KCNV2: variants seen among roughly 807,000 people sequenced by gnomAD.
KCNV2 encodes potassium voltage-gated channel modifier subfamily V member 2.
A neutral mutation model predicts 37.0 loss-of-function variants in KCNV2; 65 were observed. The ratio of observed to expected loss-of-function variants is 1.76; its 90% CI spans 1.44 to 2.16. The LOEUF (loss-of-function observed/expected upper bound fraction) is 2.16. KCNV2 is among the 30% of genes most tolerant of loss of function. The probability of loss-of-function intolerance (pLI) is 0.00; values close to 1 mark genes in which losing one functional copy is unlikely to be tolerated. For synonymous variants in KCNV2, 518 were observed against 328.6 expected (o/e 1.58, Z -6.23); for missense variants, 1,232 against 766.7 (o/e 1.61, Z -7.17).
chr9:2,722,275 A>C (rs1490005495), intron 1 of KCNV2, among the ~76,000 whole-genome samples: 1 of 139,954 alleles, frequency 7.1e-6, no homozygotes, highest in Non-Finnish European at 1.5e-5. Flanking sequence ...GAAGTTATTT[A>C]TTTACAAATT....
At chr9:2,728,812 T>G (rs1820010311) in intron 1 of KCNV2, among the ~76,000 whole-genome samples, 1 of 151,908 alleles carries the variant, frequency 6.6e-6, no homozygotes, top group East Asian at 1.9e-4. Flanking sequence ...TGTTCAGTGC[T>G]TTATATTCAT....
At chr9:2,722,768 C>A (rs1216949150) in intron 1 of KCNV2, among the ~76,000 whole-genome samples, 1 of 152,098 alleles carries the variant, frequency 6.6e-6, no homozygotes, top group Non-Finnish European at 1.5e-5. Context: ...CTAGAAGGTT[C>A]TTCTCTTTCA....
intron 1 of KCNV2, among the ~76,000 whole-genome samples, chr9:2,720,051 G>A (rs1254965703): frequency 6.6e-6 from 1 of 152,192 alleles, no homozygotes; most frequent in Non-Finnish European, 1.5e-5. Context: ...TGAATGTATG[G>A]TTTCCTTAGT....
chr9:2,725,307 C>G (rs544177266), intron 1 of KCNV2, among the ~76,000 whole-genome samples: 1 of 152,204 alleles, frequency 6.6e-6, no homozygotes, highest in African/African-American at 2.4e-5. Flanking sequence ...CACCCATGAC[C>G]TCATTCTAAC....
rs558190672 is a variant in KCNV2 at position 2,724,832 on chromosome 9, C to G, written c.1357-4614C>G. On this transcript the variant is annotated intron_variant, in intron 1 of 1. Coordinates refer to ENST00000382082, the MANE Select transcript of KCNV2 (RefSeq NM_133497.4). ...ATCTGGGAAATGTAGTTTGCAGACT[C>G]CCAGTTCTGGAATTATAAAATAAAA... Among the ~76,000 whole-genome samples the G allele has an allele frequency of 8.5e-5, 13 of 152,260 alleles. No homozygotes were observed. In the South Asian group the frequency reaches 2.5e-3, roughly 29 times the overall value.
chr9:2,722,595 T>C (rs1231501564), intron 1 of KCNV2, among the ~76,000 whole-genome samples: 1 of 145,114 alleles, frequency 6.9e-6, no homozygotes, highest in Non-Finnish European at 1.5e-5. Flanking sequence ...TAGAAGTTAT[T>C]TATTTATAAA....
chr9:2,719,245 A>G, intron 1 of KCNV2, 150 bp downstream of exon 1: 1 of 810,708 alleles, frequency 1.2e-6, no homozygotes, highest in Middle Eastern at 3.5e-4. Flanking sequence ...CAAAACGGCG[A>G]TGGATGTCAA....
chr9:2,728,636 CA>C (rs1820006750), intron 1 of KCNV2, among the ~76,000 whole-genome samples: 1 of 152,106 alleles, frequency 6.6e-6, no homozygotes, highest in Non-Finnish European at 1.5e-5. Context: ...AGTCCCTTTA[CA>C]AAATAATGAG....
intron 1 of KCNV2, among the ~76,000 whole-genome samples, chr9:2,722,408 TAAGTTATTTATAAATAG>T (rs1819893023): frequency 5.0e-5 from 7 of 139,762 alleles, no homozygotes; most frequent in Non-Finnish European, 9.1e-5. Flanking sequence ...TATTTATAAA[TAAGTTATTTATAAATAG>T]AAGTTATTTA....
chr9:2,727,181 TG>T (rs1338441816), intron 1 of KCNV2, among the ~76,000 whole-genome samples: 3 of 151,350 alleles, frequency 2.0e-5, no homozygotes, highest in African/African-American at 7.3e-5. Flanking sequence ...CTCACACAAC[TG>T]GAGAGAGATC....
intron 1 of KCNV2, among the ~76,000 whole-genome samples, chr9:2,721,181 A>G (rs1337917522): frequency 6.6e-6 from 1 of 152,148 alleles, no homozygotes; most frequent in Non-Finnish European, 1.5e-5. Flanking sequence ...GCACATTCCA[A>G]CCATCCCATT....
rs141378856 is a variant in KCNV2 at position 2,718,696 on chromosome 9, G to A, written c.957G>A (p.Leu319=). 598 of 1,613,244 alleles carry A rather than the reference G, an allele frequency of 3.7e-4. 3 individuals carry two copies. The African/African-American group carries it at 7.0e-3, about 19-fold the overall frequency. ...CMGFFTLEYL[L]RLASTPDLRR... is the part of the protein sequence containing the mutation. ...GCTTCTTCACGCTCGAGTACCTGCT[G>A]CGCCTAGCCTCCACGCCCGACCTGA... is the stretch of plus-strand genomic sequence containing the variant. The change falls in exon 1 of 2, where the codon CTG becomes CTA. Residue 319 remains leucine (L), a synonymous_variant. Coordinates refer to ENST00000382082, the MANE Select transcript of KCNV2 (RefSeq NM_133497.4).
At position 2,722,072 on chromosome 9, in the gene KCNV2, AATAAATT is replaced by A. The variant is rs1819880657; in HGVS notation, c.1356+2979_1356+2985del. Among the ~76,000 whole-genome samples the A allele has an allele frequency of 1.7e-5, 2 of 120,402 alleles. 1 individual carries two copies. The highest frequency in any genetic ancestry group is 6.6e-5 in the African/African-American group (2 of 30,374). 79.0% of individuals were successfully genotyped at this position (120,402 alleles called of 152,430 possible). Reference sequence around the variant, plus strand: ...ATAAATAAATTAGAAGTTATTTATAAATAAATTAGAAGTTATTTATAAATAAATTAGA... The same window carrying A: ...ATAAATAAATTAGAAGTTATTTATAAAGAAGTTATTTATAAATAAATTAGA... On this transcript the variant is annotated intron_variant, in intron 1 of 1. Coordinates refer to ENST00000382082, the MANE Select transcript of KCNV2 (RefSeq NM_133497.4).
rs1439836141 is a variant in KCNV2 at position 2,718,378 on chromosome 9, G to A, written c.639G>A (p.Arg213=). 1.2e-6 allele frequency: 2 copies of A among 1,600,458 alleles called. No individual in the cohort carries two copies. The highest frequency in any genetic ancestry group is 1.7e-6 in the Non-Finnish European group (2 of 1,175,076). ...AGCGGCGCGACGAGCTGAGCGAACGGCTCAAGATCCAGCACGAGCTGCGCG... is the reference window on the plus strand; with the variant it reads ...AGCGGCGCGACGAGCTGAGCGAACGACTCAAGATCCAGCACGAGCTGCGCG... ...FEERRDELSE[R]LKIQHELRAQ... Residue 213 remains arginine, a synonymous_variant, in exon 1 of 2, where the codon CGG becomes CGA. Transcript: ENST00000382082.
chr9:2,723,418 A>G lies in KCNV2; in HGVS notation c.1356+4323A>G, dbSNP rs140076378. Among the ~76,000 whole-genome samples the G allele has an allele frequency of 1.1e-3, 171 of 152,350 alleles. 1 individual carries two copies. The highest frequency in any genetic ancestry group is 3.7e-3 in the African/African-American group (152 of 41,584). ...CTCTGTAATTCAACTCAAGGATTTA[A>G]GAAAAATACAGTAGTTTTCATTACT... is the stretch of plus-strand genomic sequence containing the variant. On this transcript the variant is annotated intron_variant, in intron 1 of 1. Transcript: ENST00000382082.
At position 2,718,351 on chromosome 9, in the gene KCNV2, G is replaced by A. The variant is rs186159326; in HGVS notation, c.612G>A (p.Glu204=). The A allele has an allele frequency of 1.1e-3, 1,760 of 1,600,278 alleles. 19 individuals carry two copies. In the East Asian group the frequency reaches 0.026, roughly 23 times the overall value. ...YTPRCCRICF[E]ERRDELSERL... ...CACGCTGCTGCCGCATCTGCTTCGA[G>A]GAGCGGCGCGACGAGCTGAGCGAAC... The change falls in exon 1 of 2, where the codon GAG becomes GAA. Residue 204 remains glutamate, a synonymous_variant. Coordinates refer to ENST00000382082, the MANE Select transcript of KCNV2 (RefSeq NM_133497.4).
intron 1 of KCNV2, among the ~76,000 whole-genome samples, chr9:2,722,524 GTTAT>G (rs1321611920): frequency 7.7e-6 from 1 of 130,472 alleles, no homozygotes; most frequent in Non-Finnish European, 1.5e-5. Context: ...ATAAATAAAA[GTTAT>G]TTATAAATAA....
In KCNV2 at chr9:2,717,725, C is replaced by T. The variant is rs181712064; in HGVS notation, c.-15C>T. ...CAGCCAGGAGGAAAAAGCTAGGCGTCCACTTTCCGCAGCCATGCTCAAACA... is the reference window on the plus strand; with the variant it reads ...CAGCCAGGAGGAAAAAGCTAGGCGTTCACTTTCCGCAGCCATGCTCAAACA... On this transcript the variant is annotated 5_prime_UTR_variant, in exon 1 of 2. Transcript: ENST00000382082. 1.6e-3 allele frequency: 2,654 copies of T among 1,614,168 alleles called. 4 individuals carry two copies. Among genetic ancestry groups the T allele is most frequent in the Non-Finnish European group, 2.1e-3 (2,443 of 1,180,026 alleles).
rs112551780 is a variant in KCNV2, at chr9:2,721,622, C to G, written c.1356+2527C>G. Among the ~76,000 whole-genome samples the G allele has an allele frequency of 5.0e-3, 757 of 152,064 alleles. 8 individuals carry two copies. Among genetic ancestry groups the G allele is most frequent in the African/African-American group, 0.017 (722 of 41,462 alleles). ...AAGTTTTTGAGCACCTCCAATGTGC[C>G]CAGTAGTATTCTTAACACTAGGGAT... On this transcript the variant is annotated intron_variant, in intron 1 of 1. Coordinates refer to ENST00000382082, the MANE Select transcript of KCNV2 (RefSeq NM_133497.4).
Sources: gnomAD v4.1 joint callset for allele counts (sites outside exome capture counted in the v4.1 genomes callset) on GRCh38, gnomAD v4.1.1 for gene constraint, MANE v1.5 for transcripts, NCBI Gene and HGNC (gene_info 2026-07-23, HGNC 2026-07-21) for gene names.